The following PLPP3 variants were observed in gnomAD, a reference collection of about 807,000 sequenced individuals.
PLPP3 encodes phospholipid phosphatase 3.
A neutral mutation model predicts 29.6 loss-of-function variants in PLPP3; 6 were observed. The ratio of observed to expected loss-of-function variants is 0.20; its 90% CI spans 0.11 to 0.40. The LOEUF (loss-of-function observed/expected upper bound fraction) is 0.40, where lower values mean the gene tolerates loss of function less well. Ranked by LOEUF, PLPP3 falls within the 10% of genes least tolerant of loss-of-function variation. PLPP3 has a pLI of 1.00. For missense variants in PLPP3, 308 were observed against 407.7 expected, an observed-to-expected ratio of 0.76 and a Z score of 2.11; for synonymous variants, 152 against 159.7, an observed-to-expected ratio of 0.95 and a Z score of 0.36.
At chr1:56,572,801 AATG>A (rs1383227847) in intron 1 of PLPP3, among the ~76,000 whole-genome samples, 3 of 152,156 alleles carry the variant, frequency 2.0e-5, no homozygotes, top group Non-Finnish European at 4.4e-5. Flanking sequence ...CCTACCTGAT[AATG>A]ATAACGTGAT....
chr1:56,521,920 G>A (rs1344695043), intron 4 of PLPP3, among the ~76,000 whole-genome samples: 2 of 152,154 alleles, frequency 1.3e-5, no homozygotes, highest in Non-Finnish European at 2.9e-5. Context: ...ACCGGAGGGA[G>A]GGGACATCTC....
chr1:56,555,455 A>AAC (rs1488506337), intron 1 of PLPP3, among the ~76,000 whole-genome samples: 9 of 149,308 alleles, frequency 6.0e-5, no homozygotes, highest in South Asian at 2.1e-4. Flanking sequence ...AAAAAAAAAA[A>AAC]AAAAACAAAA....
intron 1 of PLPP3, among the ~76,000 whole-genome samples, chr1:56,561,623 T>C (rs1646128789): frequency 6.6e-6 from 1 of 152,196 alleles, no homozygotes; most frequent in Non-Finnish European, 1.5e-5. Flanking sequence ...TATCTTTATA[T>C]ACTTTTTTTC....
chr1:56,524,533 G>A lies in PLPP3; in HGVS notation c.319C>T (p.Arg107Trp), dbSNP rs201684971. The A allele has an allele frequency of 4.6e-5, 74 of 1,610,422 alleles. No individual in the cohort carries two copies. Among genetic ancestry groups the A allele is most frequent in the Non-Finnish European group, 5.0e-5 (59 of 1,176,930 alleles). ...ILAIITGEFY[R>W]IYYLKKSRST... is the part of the protein sequence containing the mutation. Reference sequence around the variant, plus strand: ...CGCGACTTCTTCAGGTAATAGATCCGGTAGAATTCCCCCGTGATGATCTAA... The same window carrying A: ...CGCGACTTCTTCAGGTAATAGATCCAGTAGAATTCCCCCGTGATGATCTAA... The change falls in exon 3 of 6, where the codon CGG (arginine) becomes TGG (tryptophan). Residue 107 changes from arginine (R) to tryptophan (W), a missense_variant. This residue lies in a region of PLPP3 where 232 missense variants were observed against 317.2 expected (regional missense o/e 0.73). Transcript: ENST00000371250. The surrounding 1 kb of genome is among the most constrained non-coding windows in gnomAD (Gnocchi z 4.3).
intron 2 of PLPP3, among the ~76,000 whole-genome samples, chr1:56,529,023 G>A (rs1777279): frequency 0.092 from 13,921 of 151,548 alleles, 863 homozygotes; most frequent in Middle Eastern, 0.13. Flanking sequence ...ATCTTCCACC[G>A]CTGAGTCTGA....
chr1:56,572,325 C>T (rs1646205399), intron 1 of PLPP3, among the ~76,000 whole-genome samples: 1 of 152,166 alleles, frequency 6.6e-6, no homozygotes, highest in South Asian at 2.1e-4. Context: ...GCTAGGATTA[C>T]AGGCGTGAGC....
chr1:56,577,665 C>A (rs192333205), intron 1 of PLPP3, among the ~76,000 whole-genome samples: 6 of 152,222 alleles, frequency 3.9e-5, no homozygotes, highest in African/African-American at 1.4e-4. Flanking sequence ...TAAGTCTGTG[C>A]AGGAGCTGTA....
At chr1:56,540,803 A>T (rs993029164) in intron 1 of PLPP3, among the ~76,000 whole-genome samples, 1 of 152,086 alleles carries the variant, frequency 6.6e-6, no homozygotes, top group African/African-American at 2.4e-5. Flanking sequence ...CATCCCCCCA[A>T]CTAGGCAGCT....
At chr1:56,558,111 G>A (rs542818575) in intron 1 of PLPP3, among the ~76,000 whole-genome samples, 1 of 152,340 alleles carries the variant, frequency 6.6e-6, no homozygotes, top group African/African-American at 2.4e-5. Context: ...CGGGAGGGAG[G>A]AGAGGGAGTA....
At chr1:56,558,854 A>G (rs1222253420) in intron 1 of PLPP3, among the ~76,000 whole-genome samples, 1 of 152,184 alleles carries the variant, frequency 6.6e-6, no homozygotes, top group African/African-American at 2.4e-5. Context: ...GTGGTGGTGA[A>G]TCTCTTCATC....
At chr1:56,528,358 C>A (rs1645865901) in intron 2 of PLPP3, among the ~76,000 whole-genome samples, 1 of 152,116 alleles carries the variant, frequency 6.6e-6, no homozygotes, top group Admixed American at 6.6e-5. Context: ...CAACTGCCCA[C>A]ATATTTACAA....
chr1:56,519,317 G>T (rs1645803439), intron 4 of PLPP3, among the ~76,000 whole-genome samples: 1 of 152,056 alleles, frequency 6.6e-6, no homozygotes, highest in Non-Finnish European at 1.5e-5. Flanking sequence ...CTCCAGGTGA[G>T]CCTAGGGGTC....
chr1:56,572,196 C>T (rs890910680), intron 1 of PLPP3, among the ~76,000 whole-genome samples: 1 of 151,818 alleles, frequency 6.6e-6, no homozygotes, highest in Non-Finnish European at 1.5e-5. Context: ...ATTACAGGCA[C>T]ACACCACGAT....
At chr1:56,568,931 T>C (rs564595983) in intron 1 of PLPP3, among the ~76,000 whole-genome samples, 2 of 151,774 alleles carry the variant, frequency 1.3e-5, no homozygotes, top group East Asian at 3.9e-4. Flanking sequence ...GGCCCTGTCA[T>C]GTCTTTCTTA....
intron 1 of PLPP3, among the ~76,000 whole-genome samples, chr1:56,577,007 T>C (rs1335338907): frequency 6.6e-6 from 1 of 152,204 alleles, no homozygotes; most frequent in Admixed American, 6.5e-5. Context: ...AAGGAAATTG[T>C]ACAAAGGCTG....
At chr1:56,519,570 G>C (rs1434374668) in intron 4 of PLPP3, among the ~76,000 whole-genome samples, 1 of 152,074 alleles carries the variant, frequency 6.6e-6, no homozygotes, top group East Asian at 1.9e-4. Flanking sequence ...CAACACAGCA[G>C]ACATTCAGCT....
Position 56,548,783 on chromosome 1 carries a change from T to C in PLPP3, c.140-11671A>G, listed in dbSNP as rs35486341. ...CACATGACCTGGCAGCCAGCTGGCA[T>C]GCAATACCTATTTACTGACTAATCC... On this transcript the variant is annotated intron_variant, in intron 1 of 5. Coordinates refer to ENST00000371250, the MANE Select transcript of PLPP3 (RefSeq NM_003713.5). Among the ~76,000 whole-genome samples the C allele has an allele frequency of 2.8e-3, 429 of 152,258 alleles. 1 individual carries two copies. Among genetic ancestry groups the C allele is most frequent in the Non-Finnish European group, 4.0e-3 (271 of 68,018 alleles).
Position 56,562,036 on chromosome 1 carries a change from CAAAAAAAAAAAAAAAAAAAA to C in PLPP3, c.139+16822_139+16841del, listed in dbSNP as rs71048439. Among the ~76,000 whole-genome samples, 15 of 50,972 alleles carry C rather than the reference CAAAAAAAAAAAAAAAAAAAA, an allele frequency of 2.9e-4. No individual in the cohort carries two copies. In the East Asian group the frequency reaches 0.013, roughly 45 times the overall value. 33.4% of individuals were successfully genotyped at this position (50,972 alleles called of 152,430 possible). ...AGTGACAAAGCAAGACTCCGTTTCA[CAAAAAAAAAAAAAAAAAAAA>C]AAAAAAAAAAAGGAAGTAAATAGCA... On this transcript the variant is annotated intron_variant, in intron 1 of 5. Coordinates refer to ENST00000371250, the MANE Select transcript of PLPP3 (RefSeq NM_003713.5).
At chr1:56,576,662 C>T (rs933001) in intron 1 of PLPP3, among the ~76,000 whole-genome samples, 62,753 of 151,958 alleles carry the variant, frequency 0.41, 14,550 homozygotes, top group Admixed American at 0.55. Context: ...ATGGTCCTGA[C>T]GCCTTATTGC....
Sources: gnomAD v4.1 joint callset for allele counts (sites outside exome capture counted in the v4.1 genomes callset) on GRCh38, gnomAD v4.1.1 for gene constraint, gnomAD v4.1.1 regional missense constraint, Gnocchi (gnomAD v3.1) non-coding constraint, MANE v1.5 for transcripts, NCBI Gene and HGNC (gene_info 2026-07-23, HGNC 2026-07-21) for gene names.